LINGO2: variants seen among roughly 807,000 people sequenced by gnomAD.
LINGO2 encodes the protein leucine-rich repeat and immunoglobulin-like domain-containing nogo receptor-interacting protein 2.
In LINGO2, 14 loss-of-function variants were observed where a neutral mutation model predicts 30.6. The ratio of observed to expected loss-of-function variants is 0.46; its 90% CI spans 0.30 to 0.72. The LOEUF (loss-of-function observed/expected upper bound fraction) is 0.72, where lower values mean the gene tolerates loss of function less well. LINGO2 is among the 30% of genes least tolerant of loss of function. The pLI is 0.07. For synonymous variants in LINGO2, 317 were observed against 288.5 expected (o/e 1.10, Z -1.00); for missense variants, 729 against 751.7 (o/e 0.97, Z 0.35).
the LINGO2 span, among the ~76,000 whole-genome samples, chr9:29,046,848 G>T: frequency 6.6e-6 from 1 of 151,962 alleles, no homozygotes; most frequent in Non-Finnish European, 1.5e-5. Context: ...GGAAGCCGAG[G>T]CAGACAGATC....
intron 1 of LINGO2, among the ~76,000 whole-genome samples, chr9:28,647,240 T>C (rs1334263771): frequency 6.6e-6 from 1 of 152,124 alleles, no homozygotes; most frequent in Non-Finnish European, 1.5e-5. Flanking sequence ...ACTCAAAATA[T>C]TAAGGTATAG....
the LINGO2 span, among the ~76,000 whole-genome samples, chr9:28,990,981 G>A: frequency 1.3e-5 from 2 of 152,350 alleles, no homozygotes; most frequent in Admixed American, 6.5e-5. Flanking sequence ...AAGGAACGCA[G>A]TTCCTCACTA....
the LINGO2 span, among the ~76,000 whole-genome samples, chr9:29,150,200 A>C: frequency 2.0e-5 from 3 of 152,224 alleles, no homozygotes; most frequent in Non-Finnish European, 4.4e-5. Flanking sequence ...ATACTAGGGC[A>C]AAAATCTAGC....
chr9:28,104,057 ACTC>A (rs1826497323), intron 4 of LINGO2, among the ~76,000 whole-genome samples: 1 of 151,898 alleles, frequency 6.6e-6, no homozygotes, highest in South Asian at 2.1e-4. Context: ...GGGGAAAAAA[ACTC>A]CTATAAAATA....
the LINGO2 span, among the ~76,000 whole-genome samples, chr9:28,784,703 C>T: frequency 7.2e-5 from 11 of 152,088 alleles, no homozygotes; most frequent in Admixed American, 1.3e-4. Flanking sequence ...CCTGTAATCC[C>T]AGCACTTTGG....
At chr9:28,874,812 C>A in the LINGO2 span, among the ~76,000 whole-genome samples, 1 of 152,074 alleles carries the variant, frequency 6.6e-6, no homozygotes, top group Non-Finnish European at 1.5e-5. Context: ...GTTAAATGAC[C>A]TGTGGCTTTA....
At chr9:28,168,008 T>C (rs1828479717) in intron 4 of LINGO2, among the ~76,000 whole-genome samples, 1 of 152,206 alleles carries the variant, frequency 6.6e-6, no homozygotes, top group Non-Finnish European at 1.5e-5. Flanking sequence ...TGAGTGGTCA[T>C]GTTTATACTC....
At chr9:28,182,139 G>C (rs542864005) in intron 4 of LINGO2, among the ~76,000 whole-genome samples, 36 of 152,208 alleles carry the variant, frequency 2.4e-4, no homozygotes, top group African/African-American at 8.4e-4. Context: ...GAACAGAATA[G>C]AGACCTCAGA....
chr9:28,877,982 G>A, the LINGO2 span, among the ~76,000 whole-genome samples: 1 of 151,992 alleles, frequency 6.6e-6, no homozygotes, highest in Non-Finnish European at 1.5e-5. Flanking sequence ...CTTGAAAGTT[G>A]GATTCCTAGG....
At position 28,172,390 on chromosome 9, in the gene LINGO2, C is replaced by CAA. The variant is rs11421802; in HGVS notation, c.-87+122816_-87+122817dup. 1.8e-3 allele frequency among the ~76,000 whole-genome samples: 220 copies of CAA among 119,262 alleles called. 3 individuals carry two copies. The highest frequency in any genetic ancestry group is 5.3e-3 in the African/African-American group (179 of 33,474). 78.2% of individuals were successfully genotyped at this position (119,262 alleles called of 152,430 possible). A position where few individuals can be genotyped will look rare whatever the true frequency, so the allele number is the denominator to read the frequency against. On this transcript the variant is annotated intron_variant, in intron 4 of 5. Coordinates refer to ENST00000379992, the Ensembl canonical transcript of LINGO2. ...TGGGCGACAGAGCGAGACTCCGTCT[C>CAA]AAAAAAAAAAAAAAGAATTCACCAG...
the LINGO2 span, among the ~76,000 whole-genome samples, chr9:28,688,990 C>T: frequency 1.3e-5 from 2 of 152,172 alleles, no homozygotes; most frequent in Admixed American, 1.3e-4. Context: ...AAATCCGTTT[C>T]CCTTGATCCT....
At chr9:28,626,137 C>G (rs1826662385) in intron 1 of LINGO2, among the ~76,000 whole-genome samples, 1 of 152,088 alleles carries the variant, frequency 6.6e-6, no homozygotes, top group African/African-American at 2.4e-5. Context: ...ACAGTTTTAT[C>G]TCACTGTCTT....
At chr9:28,618,232 T>G (rs904435520) in intron 1 of LINGO2, among the ~76,000 whole-genome samples, 2 of 152,154 alleles carry the variant, frequency 1.3e-5, no homozygotes, top group African/African-American at 4.8e-5. Flanking sequence ...TCCTTTATTC[T>G]TCCCCATGTC....
At chr9:28,877,567 T>C in the LINGO2 span, among the ~76,000 whole-genome samples, 77 of 152,048 alleles carry the variant, frequency 5.1e-4, no homozygotes, top group African/African-American at 1.8e-3. Flanking sequence ...GTTGTAGATA[T>C]GCAGCGTTAT....
At chr9:28,087,381 T>C (rs1292126145) in intron 4 of LINGO2, among the ~76,000 whole-genome samples, 1 of 152,124 alleles carries the variant, frequency 6.6e-6, no homozygotes, top group African/African-American at 2.4e-5. Context: ...ATATGTGTTT[T>C]ACCAATATTT....
the LINGO2 span, among the ~76,000 whole-genome samples, chr9:28,938,193 C>T: frequency 6.6e-6 from 1 of 152,166 alleles, no homozygotes; most frequent in Non-Finnish European, 1.5e-5. Context: ...GGCAGGACCT[C>T]TGCTGGAGTC....
In LINGO2 at chr9:28,276,054, C is replaced by A. The variant is rs377653749; in HGVS notation, c.-87+19154G>T. Among the ~76,000 whole-genome samples, 194 of 152,194 alleles carry A rather than the reference C, an allele frequency of 1.3e-3. 4 individuals are homozygous for A. The South Asian group carries it at 0.039, about 31-fold the overall frequency. On this transcript the variant is annotated intron_variant, in intron 4 of 5. Transcript: ENST00000379992. ...ACATAATAGTACTTACCTCAGAGAG[C>A]TTTTGAAGATGAAAGATAAAATATG...
chr9:28,139,934 C>A (rs1181257554), intron 4 of LINGO2, among the ~76,000 whole-genome samples: 2 of 152,038 alleles, frequency 1.3e-5, no homozygotes, highest in African/African-American at 4.8e-5. Context: ...TATGCTATAC[C>A]ATTCACCTCA....
chr9:28,937,810 T>C, the LINGO2 span, among the ~76,000 whole-genome samples: 75 of 152,120 alleles, frequency 4.9e-4, no homozygotes, highest in African/African-American at 1.8e-3. Flanking sequence ...CACTTTTATT[T>C]TAAGTTCAGG....
Sources: gnomAD v4.1 joint callset for allele counts (sites outside exome capture counted in the v4.1 genomes callset) on GRCh38, gnomAD v4.1.1 for gene constraint, MANE v1.5 for transcripts, NCBI Gene and HGNC (gene_info 2026-07-23, HGNC 2026-07-21) for gene names.